Variants in MYOM1 observed in about 807,000 individuals in gnomAD.
MYOM1 encodes the protein myomesin-1.
A neutral mutation model predicts 205.3 loss-of-function variants in MYOM1; 164 were observed. That is an observed-to-expected ratio of 0.80 (90% CI 0.70 to 0.91). The LOEUF is 0.91. MYOM1 is among the 40% of genes least tolerant of loss of function. The pLI is 0.00. For missense variants in MYOM1, 2,011 were observed against 2,127.3 expected (o/e 0.95, Z 1.08); for synonymous variants, 772 against 789.4 (o/e 0.98, Z 0.37).
chr18:3,116,199 G>A, intron 21 of MYOM1, 132 bp downstream of exon 21: 1 of 932,078 alleles, frequency 1.1e-6, no homozygotes, highest in Non-Finnish European at 1.6e-6. Flanking sequence ...ACCTCTGCCA[G>A]TGGAATCTTA....
At chr18:3,112,904 C>T (rs1296368595) in intron 21 of MYOM1, among the ~76,000 whole-genome samples, 1 of 152,086 alleles carries the variant, frequency 6.6e-6, no homozygotes, top group Non-Finnish European at 1.5e-5. Flanking sequence ...TGTTTAAAAG[C>T]ATGTTAAACT....
intron 2 of MYOM1, among the ~76,000 whole-genome samples, chr18:3,207,337 A>G (rs965328053): frequency 7.9e-5 from 12 of 152,222 alleles, no homozygotes; most frequent in African/African-American, 2.9e-4. Flanking sequence ...CAAGAGTAAA[A>G]GAGTTTAACC....
intron 9 of MYOM1, among the ~76,000 whole-genome samples, chr18:3,167,106 C>A (rs889125579): frequency 1.3e-5 from 2 of 152,132 alleles, no homozygotes; most frequent in African/African-American, 4.8e-5. Context: ...GCAGACAAGT[C>A]AGAGAAAGTA....
chr18:3,185,291 T>C (rs1817479362), intron 5 of MYOM1, among the ~76,000 whole-genome samples: 1 of 152,236 alleles, frequency 6.6e-6, no homozygotes, highest in African/African-American at 2.4e-5. Context: ...TGCTTAGGAA[T>C]TGAATGTTTA....
chr18:3,186,882 A>G (rs12962293), intron 5 of MYOM1, among the ~76,000 whole-genome samples: 3 of 150,936 alleles, frequency 2.0e-5, no homozygotes, highest in East Asian at 3.9e-4. Context: ...GAGAGAGAGA[A>G]AGAAAGAAAG....
chr18:3,107,855 CCT>C (rs2079472027), intron 22 of MYOM1, among the ~76,000 whole-genome samples: 1 of 152,144 alleles, frequency 6.6e-6, no homozygotes, highest in African/African-American at 2.4e-5. Flanking sequence ...TGATAATAGT[CCT>C]CTCTGTTCAG....
intron 14 of MYOM1, among the ~76,000 whole-genome samples, chr18:3,136,792 A>G (rs1400468976): frequency 6.6e-6 from 1 of 152,100 alleles, no homozygotes; most frequent in African/African-American, 2.4e-5. Flanking sequence ...ATTCTTCTTC[A>G]ATCATGTATC....
chr18:3,244,487 T>C, the MYOM1 span, among the ~76,000 whole-genome samples: 1 of 152,066 alleles, frequency 6.6e-6, no homozygotes, highest in South Asian at 2.1e-4. Flanking sequence ...TGAAGGCTCA[T>C]AAGAGGAAGA....
intron 37 of MYOM1, among the ~76,000 whole-genome samples, chr18:3,068,164 AT>A (rs1451612678): frequency 6.6e-6 from 1 of 152,152 alleles, no homozygotes. Context: ...AAAGATCGAT[AT>A]TCTAGATATG....
Position 3,188,833 on chromosome 18 carries a change from G to T in MYOM1, c.686C>A (p.Ala229Asp), listed in dbSNP as rs866006864. Reference protein sequence around the residue: ...QSVVSKQATSALQQEETSEKK... With the variant: ...QSVVSKQATSDLQQEETSEKK... ...TTCAGAAGTTTCTTCCTGTTGAAGA[G>T]CGGATGTGGCCTGTTTGGAAACCAC... The change falls in exon 4 of 38, where the codon GCT becomes GAT. Residue 229 changes from alanine (A) to aspartate (D), a missense_variant. Coordinates refer to ENST00000356443, the MANE Select transcript of MYOM1 (RefSeq NM_003803.4). 12 of 1,612,862 alleles carry T rather than the reference G, an allele frequency of 7.4e-6. No individual in the cohort carries two copies. In the African/African-American group the frequency reaches 1.5e-4, roughly 20 times the overall value.
intron 14 of MYOM1, among the ~76,000 whole-genome samples, chr18:3,139,205 AG>A (rs1422794390): frequency 6.6e-6 from 1 of 152,236 alleles, no homozygotes; most frequent in Non-Finnish European, 1.5e-5. Flanking sequence ...AACTCATGTA[AG>A]GTGCTTAGAA....
intron 14 of MYOM1, among the ~76,000 whole-genome samples, chr18:3,137,025 A>C (rs1166107792): frequency 6.7e-6 from 1 of 149,090 alleles, no homozygotes; most frequent in East Asian, 2.0e-4. Flanking sequence ...ATCTCGGCTC[A>C]CTGCAAGCTC....
At chr18:3,178,322 A>G (rs1274945715) in intron 5 of MYOM1, among the ~76,000 whole-genome samples, 1 of 152,220 alleles carries the variant, frequency 6.6e-6, no homozygotes, top group Non-Finnish European at 1.5e-5. Flanking sequence ...TGAAGAAACC[A>G]AGGCATGGGG....
the MYOM1 span, among the ~76,000 whole-genome samples, chr18:3,242,327 T>C: frequency 6.6e-6 from 1 of 152,176 alleles, no homozygotes; most frequent in Admixed American, 6.5e-5. Flanking sequence ...ATTCTCATGA[T>C]AGTTAATAAG....
chr18:3,084,220 G>A (rs989297472), intron 31 of MYOM1, among the ~76,000 whole-genome samples, 193 bp from the exon 32 acceptor site: 1 of 152,072 alleles, frequency 6.6e-6, no homozygotes, highest in Non-Finnish European at 1.5e-5. Flanking sequence ...AAAGATCCCT[G>A]CTTATTTTGA....
In MYOM1 at chr18:3,116,431, G is replaced by A; in HGVS notation, c.3203C>T (p.Thr1068Ile). Residue 1068 changes from threonine to isoleucine, a missense_variant, in exon 21 of 38, where the codon ACT becomes ATT. By Grantham distance (89) the Thr-to-Ile change is moderately conservative. Coordinates refer to ENST00000356443, the MANE Select transcript of MYOM1 (RefSeq NM_003803.4). ...GTCCACGAAGTAACCAGTGACCGGA[G>A]TCCGCCCGGAGTGGACTGGCGGCTT... is the stretch of plus-strand genomic sequence containing the variant. ...QWKPPVHSGRTPVTGYFVDLK... is the reference protein window; with the variant it reads ...QWKPPVHSGRIPVTGYFVDLK... The A allele has an allele frequency of 6.2e-7, 1 of 1,613,824 alleles. No homozygotes were observed. Among genetic ancestry groups the A allele is most frequent in the South Asian group, 1.1e-5 (1 of 91,026 alleles).
intron 13 of MYOM1, among the ~76,000 whole-genome samples, chr18:3,145,362 G>C (rs2080110450): frequency 6.7e-6 from 1 of 148,894 alleles, no homozygotes; most frequent in Non-Finnish European, 1.5e-5. Flanking sequence ...TATTCACCAA[G>C]ATAGATCTTT....
At chr18:3,186,287 C>T (rs1306563232) in intron 5 of MYOM1, among the ~76,000 whole-genome samples, 1 of 152,056 alleles carries the variant, frequency 6.6e-6, no homozygotes, top group Non-Finnish European at 1.5e-5. Flanking sequence ...ATCTGATCAA[C>T]ATTAGAAATA....
At position 3,076,370 on chromosome 18, in the gene MYOM1, A is replaced by C. The variant is rs558467523; in HGVS notation, c.4649-609T>G. Among the ~76,000 whole-genome samples the C allele has an allele frequency of 8.5e-5, 13 of 152,210 alleles. 1 individual carries two copies. In the South Asian group the frequency reaches 2.7e-3, roughly 32 times the overall value. ...GGCATGAGCCACTGCGCCCAGCCATAAAAGTCTGTTTCAAAGAAAAGCTGG... is the reference window on the plus strand; with the variant it reads ...GGCATGAGCCACTGCGCCCAGCCATCAAAGTCTGTTTCAAAGAAAAGCTGG... On this transcript the variant is annotated intron_variant, in intron 34 of 37. Coordinates refer to ENST00000356443, the MANE Select transcript of MYOM1 (RefSeq NM_003803.4).
Sources: allele counts gnomAD v4.1 joint callset (sites outside exome capture counted in the v4.1 genomes callset), GRCh38; gene constraint gnomAD v4.1.1; transcripts MANE v1.5; gene names NCBI Gene and HGNC (gene_info 2026-07-23, HGNC 2026-07-21).